IPO11: variants seen among roughly 807,000 people sequenced by gnomAD.
IPO11 encodes importin 11.
Under a neutral mutation model 143.2 loss-of-function variants are expected in IPO11, and 66 were observed. The ratio of observed to expected loss-of-function variants is 0.46; its 90% confidence interval spans 0.38 to 0.57. The LOEUF (loss-of-function observed/expected upper bound fraction) is 0.57. IPO11 is among the 20% of genes least tolerant of loss of function. IPO11 has a pLI of 0.00. For missense variants in IPO11, 1,026 were observed against 1,141.0 expected (o/e 0.90, Z 1.45); for synonymous variants, 385 against 377.8 (o/e 1.02, Z -0.22).
At position 62,466,492 on chromosome 5, in the gene IPO11, T is replaced by C. The variant is rs1357043925; in HGVS notation, c.517-639T>C. On this transcript the variant is annotated intron_variant, in intron 5 of 29. Transcript: ENST00000325324. ...AATTTTAATTTAAAGTAAATAGCCA[T>C]GTAGACTCAGCTGGATTGCTCCGAG... is the stretch of plus-strand genomic sequence containing the variant. 2.6e-5 allele frequency among the ~76,000 whole-genome samples: 4 copies of C among 152,202 alleles called. No homozygotes were observed. In the East Asian group the frequency reaches 5.8e-4, roughly 22 times the overall value.
chr5:62,576,686 G>A (rs956927746), intron 27 of IPO11, among the ~76,000 whole-genome samples: 4 of 152,186 alleles, frequency 2.6e-5, no homozygotes, highest in African/African-American at 7.2e-5. Flanking sequence ...AAGAGGCTGA[G>A]GGAAGAGGAT....
chr5:62,532,564 C>T (rs577443069), intron 22 of IPO11, among the ~76,000 whole-genome samples: 11 of 152,110 alleles, frequency 7.2e-5, no homozygotes, highest in Non-Finnish European at 1.6e-4. Context: ...CACCATGTTG[C>T]CCAGGCTGCT....
At position 62,467,180 on chromosome 5, in the gene IPO11, C is replaced by G; in HGVS notation, c.566C>G (p.Thr189Arg). Residue 189 changes from threonine to arginine, a missense_variant, in exon 6 of 30, where the codon ACA (threonine) becomes AGA (arginine). This residue lies in a region of IPO11 where 429 missense variants were observed against 456.3 expected (regional missense o/e 0.94). Coordinates refer to ENST00000325324, the MANE Select transcript of IPO11 (RefSeq NM_016338.5). Reference sequence around the variant, plus strand: ...GCCTGCTCTCTGTGGAATCACCACACAGACACATTCCTGCAAGAAGTTTCT... The same window carrying G: ...GCCTGCTCTCTGTGGAATCACCACAGAGACACATTCCTGCAAGAAGTTTCT... ...NFACSLWNHH[T>R]DTFLQEVSSG... The G allele has an allele frequency of 6.2e-7, 1 of 1,613,848 alleles. No homozygotes were observed. The highest frequency in any genetic ancestry group is 8.5e-7 in the Non-Finnish European group (1 of 1,179,852).
At chr5:62,435,162 G>A (rs371728296) in intron 1 of IPO11, among the ~76,000 whole-genome samples, 7 of 91,470 alleles carry the variant, frequency 7.7e-5, no homozygotes, top group South Asian at 4.0e-4. Context: ...GTATATATAT[G>A]TATATATATG....
At chr5:62,485,503 A>T (rs1156391246) in intron 12 of IPO11, 41 bp downstream of exon 12, 2 of 1,432,512 alleles carry the variant, frequency 1.4e-6, no homozygotes, top group African/African-American at 1.4e-5. Flanking sequence ...GGGAAAGCTT[A>T]ATCTTTCTAA....
chr5:62,453,962 C>T (rs1470570638), intron 5 of IPO11, among the ~76,000 whole-genome samples: 1 of 151,880 alleles, frequency 6.6e-6, no homozygotes, highest in Non-Finnish European at 1.5e-5. Flanking sequence ...GAAACCCTAT[C>T]TCTACTAAAA....
rs182904412 is a variant in IPO11 at position 62,598,070 on chromosome 5, A to T, written c.2679-3694A>T. On this transcript the variant is annotated intron_variant, in intron 28 of 29. Coordinates refer to ENST00000325324, the MANE Select transcript of IPO11 (RefSeq NM_016338.5). ...TCTTCCTTATGTCTTTTTTAAGATC[A>T]AGGCAATCCTTTTCTGGAAATCATT... 9.2e-5 allele frequency among the ~76,000 whole-genome samples: 14 copies of T among 152,300 alleles called. No individual in the cohort carries two copies. In the East Asian group the frequency reaches 2.7e-3, roughly 29 times the overall value.
chr5:62,553,612 G>C (rs1283126771), intron 26 of IPO11, among the ~76,000 whole-genome samples: 1 of 151,626 alleles, frequency 6.6e-6, no homozygotes, highest in Non-Finnish European at 1.5e-5. Context: ...CCCACCAGTA[G>C]TGCCTGAGTT....
chr5:62,439,444 G>A (rs1744376976), intron 2 of IPO11, among the ~76,000 whole-genome samples: 2 of 151,756 alleles, frequency 1.3e-5, no homozygotes, highest in South Asian at 4.2e-4. Flanking sequence ...CCGCCACCAC[G>A]CCTGGCTAAT....
chr5:62,524,783 G>A (rs770525007), intron 20 of IPO11, among the ~76,000 whole-genome samples: 18 of 152,148 alleles, frequency 1.2e-4, no homozygotes, highest in Admixed American at 4.6e-4. Context: ...GAACTTAGTA[G>A]TATGTGTCAT....
At chr5:62,434,799 C>T (rs1024830723) in intron 1 of IPO11, among the ~76,000 whole-genome samples, 9 of 151,748 alleles carry the variant, frequency 5.9e-5, no homozygotes, top group African/African-American at 1.2e-4. Context: ...CCGAGGCAGG[C>T]GGATCATTTG....
chr5:62,505,904 G>C (rs960621823), intron 18 of IPO11, among the ~76,000 whole-genome samples: 1 of 151,996 alleles, frequency 6.6e-6, no homozygotes, highest in African/African-American at 2.4e-5. Context: ...ATATATGGAA[G>C]AACAGTGACA....
intron 29 of IPO11, among the ~76,000 whole-genome samples, chr5:62,614,412 C>T (rs930608214): frequency 2.6e-5 from 4 of 152,202 alleles, no homozygotes; most frequent in Admixed American, 2.6e-4. Flanking sequence ...CGCCCCTTCC[C>T]GCCAGCATTG....
chr5:62,514,701 A>G (rs1192110618), intron 19 of IPO11, among the ~76,000 whole-genome samples: 2 of 152,234 alleles, frequency 1.3e-5, no homozygotes, highest in Admixed American at 6.5e-5. Context: ...CTCAGCTTAT[A>G]GCAATCTCAA....
chr5:62,431,218 A>G (rs2112116527), intron 1 of IPO11, among the ~76,000 whole-genome samples: 1 of 152,072 alleles, frequency 6.6e-6, no homozygotes, highest in East Asian at 1.9e-4. Context: ...GCCCCAGGTG[A>G]TCCGCCCACC....
At chr5:62,519,312 A>G (rs907949120) in intron 20 of IPO11, among the ~76,000 whole-genome samples, 8 of 152,126 alleles carry the variant, frequency 5.3e-5, no homozygotes, top group African/African-American at 1.9e-4. Flanking sequence ...AGATTTTTCA[A>G]ATGAAAAGTA....
chr5:62,431,339 C>G lies in IPO11; in HGVS notation c.-6-5935C>G, dbSNP rs543790614. Among the ~76,000 whole-genome samples, 418 of 151,088 alleles carry G rather than the reference C, an allele frequency of 2.8e-3. 2 individuals are homozygous for G. Among genetic ancestry groups the G allele is most frequent in the Non-Finnish European group, 4.4e-3 (300 of 67,868 alleles). Reference sequence around the variant, plus strand: ...CTTTCCCACCAGGCACTTCTGTGCACAGTACTCACTTATCTAATTGTGCGC... The same window carrying G: ...CTTTCCCACCAGGCACTTCTGTGCAGAGTACTCACTTATCTAATTGTGCGC... On this transcript the variant is annotated intron_variant, in intron 1 of 29. Coordinates refer to ENST00000325324, the MANE Select transcript of IPO11 (RefSeq NM_016338.5).
chr5:62,476,642 G>T, intron 8 of IPO11, 41 bp from the exon 9 acceptor site: 2 of 1,486,768 alleles, frequency 1.3e-6, no homozygotes, highest in South Asian at 2.7e-5. Flanking sequence ...TCTTGGTTGT[G>T]AACTTATTAA....
chr5:62,541,409 G>T (rs1479811627), intron 24 of IPO11, among the ~76,000 whole-genome samples: 3 of 151,984 alleles, frequency 2.0e-5, no homozygotes, highest in African/African-American at 7.2e-5. Context: ...ACCAGGCGTG[G>T]TGGCTCACGC....
Sources: gnomAD v4.1 joint callset for allele counts (sites outside exome capture counted in the v4.1 genomes callset) on GRCh38, gnomAD v4.1.1 for gene constraint, gnomAD v4.1.1 regional missense constraint, MANE v1.5 for transcripts, NCBI Gene and HGNC (gene_info 2026-07-23, HGNC 2026-07-21) for gene names.